SMTN: variants seen among roughly 807,000 people sequenced by gnomAD.
SMTN encodes the protein smoothelin.
SMTN carries 58 observed loss-of-function variants against 102.0 expected under a neutral mutation model. The ratio of observed to expected loss-of-function variants is 0.57; its 90% CI spans 0.46 to 0.71. The LOEUF (loss-of-function observed/expected upper bound fraction) is 0.71, where lower values mean the gene tolerates loss of function less well. Among genes scored for constraint, SMTN ranks in the 30% least tolerant of loss-of-function variants. The pLI is 0.00. For missense variants in SMTN, 1,185 were observed against 1,241.7 expected, an observed-to-expected ratio of 0.95 and a Z score of 0.69; for synonymous variants, 478 against 497.9, an observed-to-expected ratio of 0.96 and a Z score of 0.53.
intron 1 of SMTN, among the ~76,000 whole-genome samples, chr22:31,075,452 A>G (rs576244394): frequency 1.3e-5 from 2 of 152,246 alleles, no homozygotes; most frequent in East Asian, 3.9e-4. Context: ...AGTCCGAGGC[A>G]GGTGGATCAC....
chr22:31,078,289 G>A (rs1183163448), upstream of SMTN, among the ~76,000 whole-genome samples: 1 of 152,202 alleles, frequency 6.6e-6, no homozygotes. Flanking sequence ...TAGCCAGGGT[G>A]ACTTAGGGAT....
At chr22:31,094,813 G>T (rs757402423) in intron 11 of SMTN, among the ~76,000 whole-genome samples, 5 of 152,064 alleles carry the variant, frequency 3.3e-5, no homozygotes, top group Non-Finnish European at 7.4e-5. Flanking sequence ...TTCTGAGTAG[G>T]TGGGACTACA....
intron 11 of SMTN, chr22:31,093,291 C>G (rs1291805226): frequency 3.3e-6 from 1 of 299,022 alleles, no homozygotes; most frequent in East Asian, 9.8e-5. Flanking sequence ...GGCTGCAGCT[C>G]CAGCTGGCTG....
At position 31,097,260 on chromosome 22, in the gene SMTN, T is replaced by G. The variant is rs748555735; in HGVS notation, c.2090-9T>G. On this transcript the variant is annotated splice_polypyrimidine_tract_variant and intron_variant, in intron 15 of 20. Coordinates refer to ENST00000333137, the MANE Select transcript of SMTN (RefSeq NM_134269.3). ...GCCCTCACCTGGTGCCCCTTCCCCTTTTTTGCAGATGGCAGTGGCAGCACC... is the reference window on the plus strand; with the variant it reads ...GCCCTCACCTGGTGCCCCTTCCCCTGTTTTGCAGATGGCAGTGGCAGCACC... 1.2e-6 allele frequency: 2 copies of G among 1,614,078 alleles called. No homozygotes were observed. The highest frequency in any genetic ancestry group is 2.2e-5 in the South Asian group (2 of 91,080).
At chr22:31,087,601 G>A (rs2042791076) in intron 2 of SMTN, among the ~76,000 whole-genome samples, 1 of 152,208 alleles carries the variant, frequency 6.6e-6, no homozygotes, top group South Asian at 2.1e-4. Context: ...GACCCACAGG[G>A]TGGCCTCCCT....
At position 31,087,879 on chromosome 22, in the gene SMTN, T is replaced by C. The variant is rs1482317228; in HGVS notation, c.52-86T>C. Reference sequence around the variant, plus strand: ...ACAGGGAGTGGACACAGGCCACACATTGTGCCCTAGGCAGAGCCGTGGGCA... The same window carrying C: ...ACAGGGAGTGGACACAGGCCACACACTGTGCCCTAGGCAGAGCCGTGGGCA... On this transcript the variant is annotated intron_variant, in intron 2 of 20. Transcript: ENST00000333137. 9 of 1,378,396 alleles carry C rather than the reference T, an allele frequency of 6.5e-6. No individual in the cohort carries two copies. The African/African-American group carries it at 1.0e-4, about 15-fold the overall frequency. 85.4% of individuals were successfully genotyped at this position (1,378,396 alleles called of 1,614,324 possible). A position where few individuals can be genotyped will look rare whatever the true frequency, so the allele number is the denominator to read the frequency against.
intron 8 of SMTN, 70 bp from the exon 9 acceptor site, chr22:31,090,738 G>A (rs2043063841): frequency 3.3e-6 from 4 of 1,230,122 alleles, no homozygotes. Flanking sequence ...GATTATGAAA[G>A]GTGGACACCC....
chr22:31,083,457 T>C (rs1935121713), intron 2 of SMTN, 148 bp downstream of exon 2: 2 of 962,150 alleles, frequency 2.1e-6, no homozygotes, highest in African/African-American at 3.3e-5. Context: ...GCCAGTTCCA[T>C]GTGGCTGATG....
intron 11 of SMTN, chr22:31,093,546 C>T: frequency 1.4e-6 from 1 of 713,118 alleles, no homozygotes; most frequent in Non-Finnish European, 2.6e-6. Context: ...CTGAAGCAGG[C>T]CGGGTGGCAG....
At position 31,090,970 on chromosome 22, in the gene SMTN, C is replaced by T. The variant is rs1311915489; in HGVS notation, c.947C>T (p.Pro316Leu). 3 of 1,613,270 alleles carry T rather than the reference C, an allele frequency of 1.9e-6. No individual in the cohort carries two copies. The highest frequency in any genetic ancestry group is 2.5e-6 in the Non-Finnish European group (3 of 1,179,458). ...CTCCTGTTCCTTCTAGAGTCCACCC[C>T]CCTTGCCAGCGGACCTTCCTCATTC... ...RQPAQNREST[P>L]LASGPSSFQR... Residue 316 changes from proline to leucine, a missense_variant, in exon 10 of 21, where the codon CCC becomes CTC. Transcript: ENST00000333137.
In SMTN at chr22:31,095,426, A is replaced by T; in HGVS notation, c.1756A>T (p.Ile586Phe). The change falls in exon 12 of 21, where the codon ATT (isoleucine) becomes TTT (phenylalanine). Residue 586 changes from isoleucine to phenylalanine, a missense_variant. This residue lies in a region of SMTN where 1,096 missense variants were observed against 1,112.7 expected (regional missense o/e 0.98). Coordinates refer to ENST00000333137, the MANE Select transcript of SMTN (RefSeq NM_134269.3). This position sits in a 1 kb window ranked among gnomAD's most constrained non-coding sequence, Gnocchi z 4.1. ...TCTGAGCGCTGAGGAGCTGATGACT[A>T]TTGAGGATGAAGGAGTCTTGGACAA... ...SPLSAEELMT[I>F]EDEGVLDKML... The T allele has an allele frequency of 6.2e-7, 1 of 1,614,232 alleles. No individual in the cohort carries two copies. Among genetic ancestry groups the T allele is most frequent in the African/African-American group, 1.3e-5 (1 of 75,076 alleles).
rs142234684 is a variant in SMTN, at chr22:31,088,049, G to T, written c.136G>T (p.Glu46Ter). Residue 46 changes from glutamate to a stop codon, truncating the protein, a stop_gained, in exon 3 of 21, where the codon GAG (glutamate) becomes TAG (stop). Transcript: ENST00000333137. LOFTEE classifies it high-confidence loss of function. ...GCAGCGGCAGGAGCTGGAGCGCGAG[G>T]AGGAGGCCCTGGCATCCAAGCGTTT... is the stretch of plus-strand genomic sequence containing the variant. ...ELQRQELEREEEALASKRFRA... is the reference protein window; with the variant it reads ...ELQRQELERE 53 of 1,612,258 alleles carry T rather than the reference G, an allele frequency of 3.3e-5. No individual in the cohort carries two copies. Among genetic ancestry groups the T allele is most frequent in the Non-Finnish European group, 4.5e-5 (53 of 1,178,942 alleles).
intron 2 of SMTN, 168 bp downstream of exon 2, chr22:31,083,477 T>C (rs2042446750): frequency 1.3e-6 from 1 of 787,630 alleles, no homozygotes. Flanking sequence ...GCAGAGGCCC[T>C]TGTGGCATGT....
At chr22:31,069,801 C>T (rs1447589709) in intron 1 of SMTN, among the ~76,000 whole-genome samples, 1 of 152,238 alleles carries the variant, frequency 6.6e-6, no homozygotes, top group Non-Finnish European at 1.5e-5. Context: ...GGGCCGACCT[C>T]AGGAAACCTG....
At position 31,091,447 on chromosome 22, in the gene SMTN, G is replaced by T; in HGVS notation, c.1424G>T (p.Gly475Val). The change falls in exon 10 of 21, where the codon GGC (glycine) becomes GTC (valine). Residue 475 changes from glycine to valine, a missense_variant. This residue lies in a region of SMTN where 1,096 missense variants were observed against 1,112.7 expected (regional missense o/e 0.98). Coordinates refer to ENST00000333137, the MANE Select transcript of SMTN (RefSeq NM_134269.3). ...GACGGCCGTGGCCAGGCCTCCACAG[G>T]CCGGGTGCTGCTGCCCACAGGCAAC... ...IKDGRGQASTGRVLLPTGNQR... is the reference protein window; with the variant it reads ...IKDGRGQASTVRVLLPTGNQR... 2.0e-6 allele frequency: 3 copies of T among 1,529,918 alleles called. No homozygotes were observed. Among genetic ancestry groups the T allele is most frequent in the Non-Finnish European group, 1.8e-6 (2 of 1,142,114 alleles). The allele number at this position is 1,529,918 out of a possible 1,614,324, so 94.8% of individuals were successfully genotyped here.
chr22:31,065,346 G>A (rs751853860), intron 1 of SMTN: 2 of 151,860 alleles, frequency 1.3e-5, no homozygotes, highest in South Asian at 2.1e-4. Flanking sequence ...TGACATTTAC[G>A]GTATGTTTGT....
chr22:31,077,793 G>C (rs4300941), upstream of SMTN, among the ~76,000 whole-genome samples: 4 of 152,230 alleles, frequency 2.6e-5, no homozygotes, highest in Non-Finnish European at 4.4e-5. Context: ...GCCTGGCACT[G>C]TTGCCCAGAG....
rs757846700 is a variant in SMTN at position 31,091,258 on chromosome 22, A to T, written c.1235A>T (p.Gln412Leu). The change falls in exon 10 of 21, where the codon CAG (glutamine) becomes CTG (leucine). Residue 412 changes from glutamine to leucine, a missense_variant. Gln to Leu is a moderately radical substitution (Grantham distance 113). Around this residue, in one of 2 missense-constraint regions of SMTN, gnomAD observed 1,096 missense variants for 1,112.7 expected, o/e 0.98. Transcript: ENST00000333137. ...CTGGCCCAGCTTCGAAGCTGCCCCCAGGAGGAGGGCCCCAGGGGGCGGGGC... is the reference window on the plus strand; with the variant it reads ...CTGGCCCAGCTTCGAAGCTGCCCCCTGGAGGAGGGCCCCAGGGGGCGGGGC... Reference protein sequence around the residue: ...QPLAQLRSCPQEEGPRGRGLA... With the variant: ...QPLAQLRSCPLEEGPRGRGLA... 5.6e-6 allele frequency: 9 copies of T among 1,602,790 alleles called. No homozygotes were observed.
Position 31,095,856 on chromosome 22 carries a change from A to G in SMTN, c.1861+247A>G. 1.8e-6 allele frequency: 1 copy of G among 563,830 alleles called. No homozygotes were observed. The highest frequency in any genetic ancestry group is 3.2e-6 in the Non-Finnish European group (1 of 317,256). 34.9% of individuals were successfully genotyped at this position (563,830 alleles called of 1,614,324 possible). A position where few individuals can be genotyped will look rare whatever the true frequency, so the allele number is the denominator to read the frequency against. On this transcript the variant is annotated intron_variant, in intron 13 of 20. Coordinates refer to ENST00000333137, the MANE Select transcript of SMTN (RefSeq NM_134269.3). This position sits in a 1 kb window ranked among gnomAD's most constrained non-coding sequence, Gnocchi z 4.1. ...AGCTTCTCTTCTCCTTCCTAGACCC[A>G]GATACTCCCTCCCGCAGCTACTCTC...
Sources: allele counts gnomAD v4.1 joint callset (sites outside exome capture counted in the v4.1 genomes callset), GRCh38; gene constraint gnomAD v4.1.1; regional missense constraint gnomAD v4.1.1; non-coding constraint Gnocchi (gnomAD v3.1); transcripts MANE v1.5; gene names NCBI Gene and HGNC (gene_info 2026-07-23, HGNC 2026-07-21).